The following CUBN variants were observed in gnomAD, a reference collection of about 807,000 sequenced individuals.
The protein encoded by CUBN is cubilin, also known as 460 kDa receptor.
A neutral mutation model predicts 405.3 loss-of-function variants in CUBN; 282 were observed. The observed-to-expected ratio is 0.70, with a 90% CI of 0.63 to 0.77. The LOEUF is 0.77. Ranked by LOEUF, CUBN falls within the 30% of genes least tolerant of loss-of-function variation. The pLI, the probability that CUBN is intolerant of heterozygous loss-of-function variation, is 0.00. For missense variants in CUBN, 4,514 were observed against 4,475.2 expected, an observed-to-expected ratio of 1.01 and a Z score of -0.25; for synonymous variants, 1,684 against 1,617.0, an observed-to-expected ratio of 1.04 and a Z score of -0.99.
intron 27 of CUBN, among the ~76,000 whole-genome samples, chr10:17,022,267 G>A: frequency 6.6e-6 from 1 of 152,134 alleles, no homozygotes; most frequent in East Asian, 1.9e-4. Flanking sequence ...AGATTTCAGG[G>A]AAGGTCAGCA....
In CUBN at chr10:17,100,973, T is replaced by C. The variant is rs542770424; in HGVS notation, c.1531-734A>G. Among the ~76,000 whole-genome samples, 159 of 152,294 alleles carry C rather than the reference T, an allele frequency of 1.0e-3. 4 individuals carry two copies. In the South Asian group the frequency reaches 0.032, roughly 31 times the overall value. On this transcript the variant is annotated intron_variant, in intron 13 of 66. Coordinates refer to ENST00000377833, the MANE Select transcript of CUBN (RefSeq NM_001081.4). The stretch of plus-strand genomic sequence containing the variant: ...AGAATACAGACTTCAAATATAGTAA[T>C]ATAACTTATAAAACGTACTGACAAC...
At chr10:17,114,287 C>T (rs977484254) in intron 7 of CUBN, 98 bp from the exon 8 acceptor site, 129 of 1,235,396 alleles carry the variant, frequency 1.0e-4, no homozygotes, top group Non-Finnish European at 1.4e-4. Flanking sequence ...TATCCTCTAA[C>T]GTTCATTTCC....
chr10:17,112,298 C>T (rs913928438), intron 8 of CUBN, among the ~76,000 whole-genome samples: 4 of 151,904 alleles, frequency 2.6e-5, no homozygotes, highest in Non-Finnish European at 5.9e-5. Flanking sequence ...GAAAAAAACG[C>T]CCAAATGTTC....
At chr10:16,847,223 C>A (rs562565267) in intron 60 of CUBN, among the ~76,000 whole-genome samples, 24 of 152,234 alleles carry the variant, frequency 1.6e-4, no homozygotes, top group African/African-American at 4.8e-4. Flanking sequence ...GAGGCCGAGG[C>A]GGGCGGATCC....
At chr10:16,949,537 G>A (rs1842875335) in intron 34 of CUBN, among the ~76,000 whole-genome samples, 1 of 151,194 alleles carries the variant, frequency 6.6e-6, no homozygotes, top group Non-Finnish European at 1.5e-5. Context: ...TAATTTTATT[G>A]GGATGTCTAA....
intron 28 of CUBN, among the ~76,000 whole-genome samples, chr10:16,999,846 T>G (rs149940763): frequency 2.3e-4 from 35 of 152,304 alleles, no homozygotes; most frequent in African/African-American, 7.9e-4. Context: ...GGACCTACAT[T>G]GCAGGCCTCT....
Position 17,019,876 on chromosome 10 carries a change from A to T in CUBN, c.4125T>A (p.Val1375=), listed in dbSNP as rs1157869060. 1 of 1,614,040 alleles carries T rather than the reference A, an allele frequency of 6.2e-7. No homozygotes were observed. The highest frequency in any genetic ancestry group is 1.7e-5 in the Admixed American group (1 of 59,994). Residue 1375 remains valine, a synonymous_variant, in exon 28 of 67, where the codon GTT becomes GTA. Coordinates refer to ENST00000377833, the MANE Select transcript of CUBN (RefSeq NM_001081.4). The part of the protein sequence containing the change: ...KLQVLLLTDG[V]GRREKGFQMQ... ...TCTGAAATCCTTTCTCACGGCGGCC[A>T]ACCCCATCTGTAAGGAGCAGCACTT...
intron 58 of CUBN, among the ~76,000 whole-genome samples, chr10:16,872,515 G>A (rs1479363222): frequency 6.6e-6 from 1 of 152,016 alleles, no homozygotes; most frequent in African/African-American, 2.4e-5. Flanking sequence ...TTAGGTCATG[G>A]GGGAGGACCC....
At chr10:16,851,157 T>C (rs1839671490) in intron 60 of CUBN, 78 bp downstream of exon 60, 2 of 1,230,632 alleles carry the variant, frequency 1.6e-6, no homozygotes, top group Non-Finnish European at 2.4e-6. Context: ...CAGGACTTCC[T>C]GTAACGATAT....
Position 16,939,105 on chromosome 10 carries a change from G to T in CUBN, c.5591C>A (p.Ala1864Asp). ...GTAGTTTTCAGGCCAGAAAGGAGAG[G>T]CGACTTTCCCATGAGTTCCCACAAT... ...DNIVGTHGKVASPFWPENYPH... is the reference protein window; with the variant it reads ...DNIVGTHGKVDSPFWPENYPH... Residue 1864 changes from alanine to aspartate, a missense_variant, in exon 38 of 67, where the codon GCC becomes GAC. Physicochemically the swap from Ala to Asp is moderately radical, Grantham distance 126 (BLOSUM62 -2). Around this residue, in one of 5 missense-constraint regions of CUBN, gnomAD observed 1,613 missense variants for 1,542.8 expected, o/e 1.05. Coordinates refer to ENST00000377833, the MANE Select transcript of CUBN (RefSeq NM_001081.4). 6.2e-7 allele frequency: 1 copy of T among 1,613,930 alleles called. No homozygotes were observed. The highest frequency in any genetic ancestry group is 8.5e-7 in the Non-Finnish European group (1 of 1,179,884).
At chr10:16,870,754 T>C (rs1461400600) in intron 58 of CUBN, among the ~76,000 whole-genome samples, 1 of 152,078 alleles carries the variant, frequency 6.6e-6, no homozygotes, top group East Asian at 1.9e-4. Context: ...ATCAACTTGT[T>C]GAGTTAAGCT....
chr10:17,126,928 C>A (rs1355652561), intron 3 of CUBN, 129 bp from the exon 4 acceptor site: 1 of 905,632 alleles, frequency 1.1e-6, no homozygotes, highest in African/African-American at 1.7e-5. Flanking sequence ...CCTTTTATTC[C>A]CTTTTTCCTC....
At chr10:17,051,124 G>A (rs1183924036) in intron 22 of CUBN, among the ~76,000 whole-genome samples, 1 of 152,032 alleles carries the variant, frequency 6.6e-6, no homozygotes. Flanking sequence ...CACTTTAGGA[G>A]GTCAAGGCAG....
intron 22 of CUBN, among the ~76,000 whole-genome samples, chr10:17,062,508 T>C (rs1835525250): frequency 1.3e-5 from 2 of 152,250 alleles, no homozygotes. Context: ...TCTTGTAGTT[T>C]CTAAGAACTT....
chr10:16,937,651 A>C lies in CUBN; in HGVS notation c.5867T>G (p.Phe1956Cys). 1 of 1,614,100 alleles carries C rather than the reference A, an allele frequency of 6.2e-7. No homozygotes were observed. The highest frequency in any genetic ancestry group is 8.5e-7 in the Non-Finnish European group (1 of 1,179,978). The stretch of plus-strand genomic sequence containing the variant: ...ATCCACTGCAAACCACTCCAGAAGG[A>C]ATCCCTTCCCTGAGATTGAAGAGTC... The part of the protein sequence containing the change: ...YSDSSISGKG[F>C]LLEWFAVDAP... Residue 1956 changes from phenylalanine (F) to cysteine (C), a missense_variant, in exon 39 of 67, where the codon TTC becomes TGC. By Grantham distance (205) the Phe-to-Cys change is radical. This residue lies in a region of CUBN where 1,613 missense variants were observed against 1,542.8 expected (regional missense o/e 1.05). Transcript: ENST00000377833.
intron 55 of CUBN, among the ~76,000 whole-genome samples, chr10:16,889,851 G>A (rs1201736176): frequency 1.3e-5 from 2 of 150,842 alleles, no homozygotes; most frequent in African/African-American, 4.9e-5. Context: ...GCAGGAGAAT[G>A]GCGTGAACCC....
At chr10:16,919,463 T>G (rs910778256) in intron 44 of CUBN, among the ~76,000 whole-genome samples, 1 of 152,244 alleles carries the variant, frequency 6.6e-6, no homozygotes, top group Admixed American at 6.5e-5. Context: ...CTCTTCAACA[T>G]AGTAAGACTT....
chr10:17,068,546 A>T lies in CUBN; in HGVS notation c.2791+59T>A, dbSNP rs952757241. The T allele has an allele frequency of 5.1e-6, 7 of 1,377,570 alleles. No individual in the cohort carries two copies. In the African/African-American group the frequency reaches 1.0e-4, roughly 20 times the overall value. 85.3% of individuals were successfully genotyped at this position (1,377,570 alleles called of 1,614,324 possible). On this transcript the variant is annotated intron_variant, in intron 20 of 66. Transcript: ENST00000377833. Reference sequence around the variant, plus strand: ...GATTTTCATATAATTTATTTCTATCATTCACTTATTCTGATACAAGCCCAA... The same window carrying T: ...GATTTTCATATAATTTATTTCTATCTTTCACTTATTCTGATACAAGCCCAA...
At chr10:16,850,817 A>G (rs979604821) in intron 60 of CUBN, among the ~76,000 whole-genome samples, 32 of 152,196 alleles carry the variant, frequency 2.1e-4, no homozygotes, top group African/African-American at 7.2e-4. Context: ...TAATATCTAA[A>G]CATAATGTGA....
Sources: allele counts gnomAD v4.1 joint callset (sites outside exome capture counted in the v4.1 genomes callset), GRCh38; gene constraint gnomAD v4.1.1; regional missense constraint gnomAD v4.1.1; transcripts MANE v1.5; gene names NCBI Gene and HGNC (gene_info 2026-07-23, HGNC 2026-07-21).